C12orf42: variants seen among roughly 807,000 people sequenced by gnomAD.
The protein encoded by C12orf42 is chromosome 12 open reading frame 42, also known as uncharacterized protein C12orf42.
C12orf42 carries 25 observed loss-of-function variants against 21.6 expected under a neutral mutation model. That is an observed-to-expected ratio of 1.16 (90% CI 0.84 to 1.62). The LOEUF is 1.62. Among genes scored for constraint, C12orf42 ranks in the 40% most tolerant of loss-of-function variants. The pLI is 0.00. For missense variants in C12orf42, 483 were observed against 459.3 expected, an observed-to-expected ratio of 1.05 and a Z score of -0.47; for synonymous variants, 174 against 175.0, an observed-to-expected ratio of 0.99 and a Z score of 0.05.
At chr12:103,432,877 A>G (rs1033111410) in intron 2 of C12orf42, among the ~76,000 whole-genome samples, 1 of 152,040 alleles carries the variant, frequency 6.6e-6, no homozygotes, top group Non-Finnish European at 1.5e-5. Flanking sequence ...TTGATCTCGG[A>G]CTCCCAGCCT....
At chr12:103,508,693 G>T in the C12orf42 span, among the ~76,000 whole-genome samples, 1 of 152,166 alleles carries the variant, frequency 6.6e-6, no homozygotes, top group Non-Finnish European at 1.5e-5. Flanking sequence ...ATAAATATGT[G>T]TGTCCTACTC....
At chr12:103,068,703 C>G in the C12orf42 span, among the ~76,000 whole-genome samples, 1 of 151,570 alleles carries the variant, frequency 6.6e-6, no homozygotes, top group South Asian at 2.1e-4. Flanking sequence ...ACTGGCTTAG[C>G]CTCCCAACCT....
chr12:103,413,976 A>G (rs1285946715), intron 2 of C12orf42, among the ~76,000 whole-genome samples: 1 of 152,072 alleles, frequency 6.6e-6, no homozygotes, highest in Non-Finnish European at 1.5e-5. Flanking sequence ...ATGCATGTGA[A>G]AATGTGATTT....
At chr12:103,496,028 C>T (rs1593038461), upstream of C12orf42, 1 of 152,350 alleles carries the variant, frequency 6.6e-6, no homozygotes, top group East Asian at 1.9e-4. Flanking sequence ...GCCGGGCAAC[C>T]ACAATGGGGC....
chr12:103,082,558 C>A, the C12orf42 span, among the ~76,000 whole-genome samples: 1 of 152,160 alleles, frequency 6.6e-6, no homozygotes, highest in Non-Finnish European at 1.5e-5. Context: ...ATTCTTAAAG[C>A]CATACCTGTC....
intron 3 of C12orf42, among the ~76,000 whole-genome samples, chr12:103,381,471 A>G (rs977253301): frequency 3.3e-5 from 5 of 152,166 alleles, no homozygotes; most frequent in African/African-American, 1.2e-4. Context: ...GAGGGAAAAG[A>G]AAGGGGAAAA....
At chr12:103,131,509 G>A in the C12orf42 span, among the ~76,000 whole-genome samples, 10 of 152,152 alleles carry the variant, frequency 6.6e-5, no homozygotes, top group East Asian at 3.9e-4. Context: ...TCCCTTTGAC[G>A]GTTTTAATAG....
At chr12:103,101,244 G>A in the C12orf42 span, among the ~76,000 whole-genome samples, 1 of 152,142 alleles carries the variant, frequency 6.6e-6, no homozygotes, top group Non-Finnish European at 1.5e-5. Flanking sequence ...CTAGCCTGTA[G>A]AACAGTAAAG....
the C12orf42 span, among the ~76,000 whole-genome samples, chr12:103,052,933 A>G: frequency 4.0e-5 from 6 of 151,136 alleles, no homozygotes; most frequent in African/African-American, 1.4e-4. Flanking sequence ...TTAAAGTGGC[A>G]ACTTTGTGAT....
the C12orf42 span, among the ~76,000 whole-genome samples, chr12:103,218,700 A>G: frequency 6.6e-6 from 1 of 152,204 alleles, no homozygotes; most frequent in Non-Finnish European, 1.5e-5. Flanking sequence ...GAAAATATAT[A>G]ATCATCTCTG....
chr12:103,416,101 C>G (rs2049302832), intron 2 of C12orf42, among the ~76,000 whole-genome samples: 5 of 151,328 alleles, frequency 3.3e-5, no homozygotes, highest in African/African-American at 1.2e-4. Context: ...ACTTGTGCAA[C>G]ACATGGGTCT....
At chr12:103,330,685 T>A (rs574381548) in intron 4 of C12orf42, among the ~76,000 whole-genome samples, 15 of 152,310 alleles carry the variant, frequency 9.8e-5, no homozygotes, top group African/African-American at 3.1e-4. Context: ...CCCTCTCTGT[T>A]CTAACTCCCC....
At chr12:103,181,263 AAAAT>A in the C12orf42 span, among the ~76,000 whole-genome samples, 5,340 of 152,102 alleles carry the variant, frequency 0.035, 105 homozygotes, top group Admixed American at 0.053. Context: ...TCCATCTAAA[AAAAT>A]AAATAAATAA....
chr12:103,378,323 C>T (rs184396430), intron 3 of C12orf42, among the ~76,000 whole-genome samples: 57 of 152,178 alleles, frequency 3.7e-4, no homozygotes, highest in Admixed American at 1.0e-3. Context: ...TTTTTTTTGT[C>T]CTGTGGCTTT....
At chr12:103,123,818 T>G in the C12orf42 span, among the ~76,000 whole-genome samples, 1 of 151,878 alleles carries the variant, frequency 6.6e-6, no homozygotes, top group Non-Finnish European at 1.5e-5. Flanking sequence ...TTTCTTTTTA[T>G]TTAAAAGATT....
intron 4 of C12orf42, among the ~76,000 whole-genome samples, chr12:103,332,865 G>A (rs973357012): frequency 2.6e-5 from 4 of 152,212 alleles, no homozygotes; most frequent in African/African-American, 9.6e-5. Context: ...GACCTTTACA[G>A]AAAAAGTTTG....
At chr12:103,176,069 T>C in the C12orf42 span, among the ~76,000 whole-genome samples, 1 of 152,064 alleles carries the variant, frequency 6.6e-6, no homozygotes, top group African/African-American at 2.4e-5. Flanking sequence ...CTTCTCTTAT[T>C]CTGCTTCTTC....
At chr12:103,547,698 A>C in the C12orf42 span, 15 of 152,238 alleles carry the variant, frequency 9.9e-5, no homozygotes, top group Admixed American at 9.2e-4. Flanking sequence ...GTATTGTAAA[A>C]GGTACCACAT....
chr12:103,518,104 T>A, the C12orf42 span, among the ~76,000 whole-genome samples: 1 of 152,110 alleles, frequency 6.6e-6, no homozygotes. Flanking sequence ...AAATTGTAAA[T>A]CATGAGAAGA....
Sources: gnomAD v4.1 joint callset for allele counts (sites outside exome capture counted in the v4.1 genomes callset) on GRCh38, gnomAD v4.1.1 for gene constraint, MANE v1.5 for transcripts, NCBI Gene and HGNC (gene_info 2026-07-23, HGNC 2026-07-21) for gene names.